RYR2: variants seen among roughly 807,000 people sequenced by gnomAD.
The protein encoded by RYR2 is cardiac muscle ryanodine receptor-calcium release channel.
A neutral mutation model predicts 601.1 loss-of-function variants in RYR2; 227 were observed. The observed-to-expected ratio is 0.38, with a 90% CI of 0.34 to 0.42. The LOEUF (loss-of-function observed/expected upper bound fraction) is 0.42. Ranked by LOEUF, RYR2 falls within the 10% of genes least tolerant of loss-of-function variation. The probability of loss-of-function intolerance (pLI) is 1.00; values close to 1 mark genes in which losing one functional copy is unlikely to be tolerated. For missense variants in RYR2, 4,646 were observed against 6,156.5 expected (o/e 0.75, Z 8.21); for synonymous variants, 2,223 against 2,175.1 (o/e 1.02, Z -0.61).
At chr1:237,465,122 G>A (rs1659927826) in intron 16 of RYR2, among the ~76,000 whole-genome samples, 2 of 151,140 alleles carry the variant, frequency 1.3e-5, no homozygotes, top group Non-Finnish European at 2.9e-5. Flanking sequence ...ACGCATGCAT[G>A]CACGATGTTC....
intron 1 of RYR2, among the ~76,000 whole-genome samples, chr1:237,056,651 CTATGAGGACTAGAGACTGCAT>C (rs1370076636): frequency 1.4e-4 from 21 of 146,082 alleles, no homozygotes; most frequent in African/African-American, 1.6e-4. Context: ...AGTACTGCAG[CTATGAGGACTAGAGACTGCAT>C]TGTGAGGACT....
intron 99 of RYR2, among the ~76,000 whole-genome samples, chr1:237,807,854 G>C (rs1006150780): frequency 1.3e-5 from 2 of 152,178 alleles, no homozygotes; most frequent in Non-Finnish European, 2.9e-5. Context: ...ATAAAGATGT[G>C]CTGTAATCAG....
chr1:237,539,574 A>G (rs928980249), intron 25 of RYR2, among the ~76,000 whole-genome samples: 20 of 152,150 alleles, frequency 1.3e-4, no homozygotes, highest in African/African-American at 4.8e-4. Context: ...ATTATCCTCA[A>G]TAAACTAATG....
intron 5 of RYR2, among the ~76,000 whole-genome samples, chr1:237,365,430 A>G (rs189496075): frequency 1.4e-4 from 21 of 152,348 alleles, no homozygotes; most frequent in Non-Finnish European, 2.2e-4. Context: ...GGATGGGATG[A>G]CAGAACAGAG....
At chr1:237,791,012 C>G (rs544426751) in intron 92 of RYR2, among the ~76,000 whole-genome samples, 6 of 151,786 alleles carry the variant, frequency 4.0e-5, no homozygotes, top group African/African-American at 1.5e-4. Context: ...CCTTGTTGCT[C>G]CTCTCTTTGA....
intron 99 of RYR2, among the ~76,000 whole-genome samples, chr1:237,808,668 A>C (rs867563680): frequency 5.4e-5 from 8 of 147,340 alleles, no homozygotes; most frequent in East Asian, 4.0e-4. Context: ...AAAAAAAAAA[A>C]CAAAATAAAA....
intron 1 of RYR2, among the ~76,000 whole-genome samples, chr1:237,256,825 A>G (rs1688034151): frequency 1.3e-5 from 2 of 151,638 alleles, no homozygotes; most frequent in Non-Finnish European, 2.9e-5. Flanking sequence ...TCCCTCTTCC[A>G]CTCTACTTTT....
intron 77 of RYR2, among the ~76,000 whole-genome samples, chr1:237,731,794 T>C (rs1169838829): frequency 1.3e-5 from 2 of 152,050 alleles, no homozygotes; most frequent in East Asian, 1.9e-4. Flanking sequence ...AGCATGTATA[T>C]TACATATTTA....
chr1:237,741,630 C>T (rs547855357), intron 79 of RYR2, among the ~76,000 whole-genome samples: 2 of 152,132 alleles, frequency 1.3e-5, no homozygotes, highest in African/African-American at 4.8e-5. Flanking sequence ...GAGATGGAGG[C>T]TCATTCTGTC....
rs1034811100 is a variant in RYR2 at position 237,713,320 on chromosome 1, A to T, written c.10323+1483A>T. 2.0e-5 allele frequency among the ~76,000 whole-genome samples: 3 copies of T among 152,206 alleles called. 1 individual carries two copies. The South Asian group carries it at 6.2e-4, about 31-fold the overall frequency. ...CAAGAAGAAAAAAGGGGAGTAATAG[A>T]TAAGAACCTCTCAATTTTAACATTT... On this transcript the variant is annotated intron_variant, in intron 71 of 104. Transcript: ENST00000366574.
rs1695353542 is a variant in RYR2 at position 237,784,107 on chromosome 1, T to A, written c.12395T>A (p.Phe4132Tyr). ...AESVLNYFQPFLGRIEIMGSA... is the reference protein window; with the variant it reads ...AESVLNYFQPYLGRIEIMGSA... ...AGCGTCCTGAATTATTTCCAGCCCT[T>A]TCTGGGCCGCATCGAAATCATGGGA... is the stretch of plus-strand genomic sequence containing the variant. Residue 4132 changes from phenylalanine (F) to tyrosine (Y), a missense_variant, in exon 90 of 105, where the codon TTT becomes TAT. Phe to Tyr is a conservative substitution (Grantham distance 22). Transcript: ENST00000366574. The surrounding 1 kb of genome is among the most constrained non-coding windows in gnomAD (Gnocchi z 7.1). 6.2e-7 allele frequency: 1 copy of A among 1,613,982 alleles called. No individual in the cohort carries two copies. The highest frequency in any genetic ancestry group is 8.5e-7 in the Non-Finnish European group (1 of 1,179,878).
At chr1:237,663,857 C>A (rs1684038604) in intron 56 of RYR2, among the ~76,000 whole-genome samples, 2 of 152,082 alleles carry the variant, frequency 1.3e-5, no homozygotes, top group Non-Finnish European at 2.9e-5. Context: ...TTATAATTTG[C>A]ATATGTAAGA....
chr1:237,049,833 ACTC>A (rs1661031212), intron 1 of RYR2, among the ~76,000 whole-genome samples: 1 of 151,558 alleles, frequency 6.6e-6, no homozygotes, highest in Non-Finnish European at 1.5e-5. Context: ...TAGTAACTGA[ACTC>A]CTAGTGAGCT....
chr1:237,651,547 G>T, intron 51 of RYR2, 46 bp downstream of exon 51: 1 of 1,196,752 alleles, frequency 8.4e-7, no homozygotes, highest in South Asian at 1.4e-5. Flanking sequence ...TGGCTTCTCT[G>T]ACTTTATTTT....
rs772007722 is a variant in RYR2, at chr1:237,784,613, G to A, written c.12901G>A (p.Val4301Ile). 6 of 1,613,872 alleles carry A rather than the reference G, an allele frequency of 3.7e-6. No individual in the cohort carries two copies. The highest frequency in any genetic ancestry group is 1.1e-5 in the South Asian group (1 of 91,068). ...FMTLLHFVAS[V>I]FRGFFRIICS... ...GACCCTCTTGCACTTCGTGGCCAGC[G>A]TTTTCAGAGGCTTTTTCCGCATCAT... Residue 4301 changes from valine to isoleucine, a missense_variant, in exon 90 of 105, where the codon GTT (valine) becomes ATT (isoleucine). Physicochemically the swap from Val to Ile is conservative, Grantham distance 29. Transcript: ENST00000366574. The surrounding 1 kb of genome is among the most constrained non-coding windows in gnomAD (Gnocchi z 7.1).
chr1:237,296,755 A>G (rs1692819546), intron 2 of RYR2, among the ~76,000 whole-genome samples: 1 of 152,186 alleles, frequency 6.6e-6, no homozygotes, highest in Admixed American at 6.6e-5. Context: ...GTCACAGAAG[A>G]CAAAGGGGCT....
rs1026024594 is a variant in RYR2, at chr1:237,708,851, T to C, written c.9902-7T>C. 3.7e-6 allele frequency: 6 copies of C among 1,606,514 alleles called. No individual in the cohort carries two copies. The highest frequency in any genetic ancestry group is 5.1e-6 in the Non-Finnish European group (6 of 1,174,774). ...AGAGCAGAATACTAATGTCTGTCTT[T>C]AAACAGTGTTTTCCCAGCCTATAAT... On this transcript the variant is annotated splice_region_variant and splice_polypyrimidine_tract_variant and intron_variant, in intron 68 of 104. Coordinates refer to ENST00000366574, the MANE Select transcript of RYR2 (RefSeq NM_001035.3).
At chr1:237,704,007 G>A (rs1433377749) in intron 66 of RYR2, among the ~76,000 whole-genome samples, 1 of 152,108 alleles carries the variant, frequency 6.6e-6, no homozygotes, top group Non-Finnish European at 1.5e-5. Context: ...GCAAGGTATA[G>A]TTTGTCCTAT....
chr1:237,094,458 CCATG>C (rs924581888), intron 1 of RYR2, among the ~76,000 whole-genome samples: 5 of 152,144 alleles, frequency 3.3e-5, no homozygotes, highest in African/African-American at 1.2e-4. Flanking sequence ...TACTGTTTCT[CCATG>C]CAATCTTTGA....
Sources: allele counts gnomAD v4.1 joint callset (sites outside exome capture counted in the v4.1 genomes callset), GRCh38; gene constraint gnomAD v4.1.1; non-coding constraint Gnocchi (gnomAD v3.1); transcripts MANE v1.5; gene names NCBI Gene and HGNC (gene_info 2026-07-23, HGNC 2026-07-21).